Variants in TRMT11 observed in about 807,000 individuals in gnomAD.
The protein encoded by TRMT11 is tRNA (guanine(10)-N(2))-methyltransferase TRMT11.
In TRMT11, 53 loss-of-function variants were observed where a neutral mutation model predicts 62.8. That is an observed-to-expected ratio of 0.84 (90% CI 0.68 to 1.06). The LOEUF (loss-of-function observed/expected upper bound fraction) is 1.06. Among genes scored for constraint, TRMT11 ranks in the 50% least tolerant of loss-of-function variants. The pLI is 0.00. For synonymous variants in TRMT11, 188 were observed against 190.3 expected (o/e 0.99, Z 0.10); for missense variants, 556 against 553.4 (o/e 1.00, Z -0.05).
intron 21 of TRMT11, among the ~76,000 whole-genome samples, chr6:126,145,847 A>G (rs1050336405): frequency 1.3e-5 from 2 of 152,072 alleles, no homozygotes; most frequent in African/African-American, 4.8e-5. Context: ...TTTATGTTTT[A>G]TATTATCATT....
intron 6 of TRMT11, 54 bp downstream of exon 6, chr6:125,998,738 T>C (rs1792015589): frequency 6.4e-6 from 10 of 1,571,588 alleles, no homozygotes; most frequent in Non-Finnish European, 8.6e-6. Context: ...AAGCTACTTA[T>C]TAGGCCTTTT....
intron 21 of TRMT11, among the ~76,000 whole-genome samples, chr6:126,157,207 CTCT>C (rs1284565760): frequency 2.0e-5 from 3 of 152,202 alleles, no homozygotes; most frequent in Non-Finnish European, 2.9e-5. Flanking sequence ...TCCACACTTC[CTCT>C]TCTTCTTTCT....
chr6:126,092,078 C>T (rs749992714), intron 17 of TRMT11, among the ~76,000 whole-genome samples: 7 of 152,244 alleles, frequency 4.6e-5, no homozygotes, highest in East Asian at 3.9e-4. Context: ...AAATATAAAA[C>T]GGCCAGTTAA....
intron 2 of TRMT11, among the ~76,000 whole-genome samples, chr6:126,199,496 G>A (rs1168283917): frequency 6.6e-6 from 1 of 152,176 alleles, no homozygotes; most frequent in Non-Finnish European, 1.5e-5. Flanking sequence ...AGCTTTCAGA[G>A]TCCAAATGTG....
intron 6 of TRMT11, 51 bp downstream of exon 6, chr6:125,998,735 T>G (rs6569449): frequency 3.8e-6 from 6 of 1,590,478 alleles, no homozygotes; most frequent in African/African-American, 2.7e-5. Flanking sequence ...TGAAAGCTAC[T>G]TATTAGGCCT....
chr6:126,192,768 A>G (rs1392706918), intron 1 of TRMT11, among the ~76,000 whole-genome samples: 2 of 152,202 alleles, frequency 1.3e-5, no homozygotes, highest in African/African-American at 2.4e-5. Flanking sequence ...ATGTTGAACC[A>G]TGCTTGCATC....
chr6:126,243,216 G>A, the TRMT11 span, among the ~76,000 whole-genome samples: 17 of 152,112 alleles, frequency 1.1e-4, no homozygotes, highest in East Asian at 9.6e-4. Context: ...AGAGAAATGC[G>A]AATCAAAACC....
intron 1 of TRMT11, among the ~76,000 whole-genome samples, chr6:126,179,201 A>G (rs1300878405): frequency 6.6e-6 from 1 of 152,086 alleles, no homozygotes; most frequent in Non-Finnish European, 1.5e-5. Context: ...CTTCCTGTGA[A>G]CGCTTGAGGC....
At chr6:126,065,258 G>A (rs772145137) in intron 17 of TRMT11, among the ~76,000 whole-genome samples, 4 of 152,096 alleles carry the variant, frequency 2.6e-5, no homozygotes, top group Non-Finnish European at 5.9e-5. Flanking sequence ...AAGATAATTG[G>A]TCAAATAATC....
At chr6:126,035,661 AT>A (rs1775052452) in intron 12 of TRMT11, among the ~76,000 whole-genome samples, 1 of 152,038 alleles carries the variant, frequency 6.6e-6, no homozygotes, top group South Asian at 2.1e-4. Context: ...TTAAGGGCTT[AT>A]TTTGCCTTTA....
intron 1 of TRMT11, chr6:125,986,859 T>G (rs1789723530): frequency 1.9e-6 from 1 of 535,550 alleles, no homozygotes; most frequent in Non-Finnish European, 3.3e-6. Flanking sequence ...TGCCCGTGTA[T>G]CAAGTACCGG....
At chr6:126,056,939 G>A (rs1776390931) in intron 17 of TRMT11, among the ~76,000 whole-genome samples, 1 of 152,190 alleles carries the variant, frequency 6.6e-6, no homozygotes, top group Non-Finnish European at 1.5e-5. Context: ...GGAGCTCTGG[G>A]TTGGGCCCAC....
At chr6:126,116,215 T>C (rs183124425) in intron 21 of TRMT11, among the ~76,000 whole-genome samples, 2 of 151,950 alleles carry the variant, frequency 1.3e-5, no homozygotes, top group Admixed American at 1.3e-4. Flanking sequence ...CTTGTCTCCA[T>C]TTTGGGGCAA....
chr6:126,040,042 A>G (rs544034530), downstream of TRMT11, among the ~76,000 whole-genome samples: 1 of 152,216 alleles, frequency 6.6e-6, no homozygotes, highest in African/African-American at 2.4e-5. Context: ...GGGAAATCTA[A>G]AAGTATTCAA....
At chr6:126,249,777 A>G in the TRMT11 span, among the ~76,000 whole-genome samples, 266 of 152,244 alleles carry the variant, frequency 1.7e-3, 7 homozygotes, top group East Asian at 0.046. Flanking sequence ...TCTAGTTTTA[A>G]CTGATAAATA....
At chr6:125,999,718 T>C (rs1366617610) in intron 7 of TRMT11, 105 bp downstream of exon 7, 6 of 1,053,926 alleles carry the variant, frequency 5.7e-6, no homozygotes, top group African/African-American at 1.6e-5. Flanking sequence ...AATCTTTTAA[T>C]TGTGTTTGGA....
chr6:126,260,506 C>T, the TRMT11 span, among the ~76,000 whole-genome samples: 238 of 152,224 alleles, frequency 1.6e-3, no homozygotes, highest in African/African-American at 5.3e-3. Flanking sequence ...GATTTATGAA[C>T]TGGTTGCTAC....
chr6:126,021,352 G>A, intron 12 of TRMT11, 72 bp downstream of exon 12: 1 of 1,539,526 alleles, frequency 6.5e-7, no homozygotes, highest in Non-Finnish European at 8.9e-7. Flanking sequence ...TAGTTTTCCT[G>A]TGATAGAGTT....
chr6:126,063,717 C>T (rs933110109), intron 17 of TRMT11, among the ~76,000 whole-genome samples: 1 of 152,146 alleles, frequency 6.6e-6, no homozygotes, highest in East Asian at 1.9e-4. Flanking sequence ...CTTTGAGAGG[C>T]AAGGGTCTCT....
Sources: allele counts gnomAD v4.1 joint callset (sites outside exome capture counted in the v4.1 genomes callset), GRCh38; gene constraint gnomAD v4.1.1; transcripts MANE v1.5; gene names NCBI Gene and HGNC (gene_info 2026-07-23, HGNC 2026-07-21).